GRID2: variants seen among roughly 807,000 people sequenced by gnomAD.
The protein encoded by GRID2 is glutamate ionotropic receptor delta type subunit 2, also known as glutamate receptor ionotropic, delta-2.
Under a neutral mutation model 114.8 loss-of-function variants are expected in GRID2, and 33 were observed. That is an observed-to-expected ratio of 0.29 (90% CI 0.22 to 0.38). The LOEUF (loss-of-function observed/expected upper bound fraction) is 0.38. GRID2 is among the 10% of genes least tolerant of loss of function. The probability of loss-of-function intolerance (pLI) is 1.00; values close to 1 mark genes in which losing one functional copy is unlikely to be tolerated. For synonymous variants in GRID2, 505 were observed against 449.9 expected (o/e 1.12, Z -1.55); for missense variants, 1,184 against 1,257.7 (o/e 0.94, Z 0.89).
chr4:92,921,041 T>A (rs1749280322), intron 2 of GRID2, among the ~76,000 whole-genome samples: 1 of 152,196 alleles, frequency 6.6e-6, no homozygotes, highest in Non-Finnish European at 1.5e-5. Flanking sequence ...GAGGCTTTGT[T>A]CATTTCTTTT....
chr4:92,488,782 T>A (rs1723011752), intron 1 of GRID2, among the ~76,000 whole-genome samples: 2 of 152,132 alleles, frequency 1.3e-5, no homozygotes, highest in Non-Finnish European at 2.9e-5. Flanking sequence ...GGTCTGATAA[T>A]CCTGGGGAAA....
Position 92,505,949 on chromosome 4 carries a change from A to G in GRID2, c.89-84182A>G, listed in dbSNP as rs567106116. Among the ~76,000 whole-genome samples the G allele has an allele frequency of 1.6e-3, 239 of 152,078 alleles. 1 individual carries two copies. The highest frequency in any genetic ancestry group is 5.6e-3 in the African/African-American group (232 of 41,538). On this transcript the variant is annotated intron_variant, in intron 1 of 15. Transcript: ENST00000282020. ...ATAGAAGCTGGCATTTATTATATTG[A>G]GCAATAAAGATACTTCAATCAACAT... is the stretch of plus-strand genomic sequence containing the variant.
chr4:93,624,493 T>G (rs1454023034), intron 13 of GRID2, among the ~76,000 whole-genome samples: 3 of 152,212 alleles, frequency 2.0e-5, no homozygotes. Flanking sequence ...ACGGATTTTT[T>G]TTCTTCCTGG....
chr4:93,362,564 T>A (rs1159407252), intron 8 of GRID2, among the ~76,000 whole-genome samples: 1 of 152,140 alleles, frequency 6.6e-6, no homozygotes, highest in Non-Finnish European at 1.5e-5. Flanking sequence ...ATAGCAAAGC[T>A]ATTAAGCTTT....
chr4:93,248,952 A>G, intron 8 of GRID2, among the ~76,000 whole-genome samples: 1 of 152,194 alleles, frequency 6.6e-6, no homozygotes, highest in East Asian at 1.9e-4. Flanking sequence ...TTCTGTAGTG[A>G]CTGAAAATTG....
At chr4:92,727,215 A>G (rs907966917) in intron 2 of GRID2, among the ~76,000 whole-genome samples, 1 of 151,900 alleles carries the variant, frequency 6.6e-6, no homozygotes, top group African/African-American at 2.4e-5. Context: ...AACAAAAGTA[A>G]AAAAAGTTCG....
intron 1 of GRID2, among the ~76,000 whole-genome samples, chr4:92,476,041 T>TG (rs1224471588): frequency 1.3e-5 from 2 of 149,272 alleles, no homozygotes; most frequent in African/African-American, 4.9e-5. Flanking sequence ...TTTTTTTTTT[T>TG]GTGACGGAGT....
intron 2 of GRID2, among the ~76,000 whole-genome samples, chr4:92,687,768 G>T (rs561012076): frequency 8.7e-4 from 132 of 152,126 alleles, no homozygotes; most frequent in Admixed American, 1.4e-3. Context: ...GGCGGAGCTT[G>T]CAGTGAGCCA....
At chr4:93,611,419 T>G (rs1239772889) in intron 13 of GRID2, among the ~76,000 whole-genome samples, 1 of 107,968 alleles carries the variant, frequency 9.3e-6, no homozygotes, top group Admixed American at 9.9e-5. Flanking sequence ...GGTGTCAATT[T>G]TGGATCTTTC....
intron 8 of GRID2, among the ~76,000 whole-genome samples, chr4:93,365,797 C>A (rs1762282524): frequency 6.6e-6 from 1 of 152,064 alleles, no homozygotes; most frequent in Non-Finnish European, 1.5e-5. Flanking sequence ...GTCAGGGACC[C>A]CAAATGGAGG....
chr4:93,326,061 G>A (rs1757802426), intron 8 of GRID2, among the ~76,000 whole-genome samples: 1 of 152,104 alleles, frequency 6.6e-6, no homozygotes, highest in African/African-American at 2.4e-5. Flanking sequence ...CAACCATAAG[G>A]TATGCGTAAT....
At chr4:93,619,085 AT>A (rs2149679847) in intron 13 of GRID2, among the ~76,000 whole-genome samples, 1 of 152,314 alleles carries the variant, frequency 6.6e-6, no homozygotes, top group Admixed American at 6.5e-5. Flanking sequence ...ACATTCATAT[AT>A]TCTTTTTGAA....
At chr4:93,124,726 T>C (rs940690188) in intron 4 of GRID2, among the ~76,000 whole-genome samples, 23 of 152,262 alleles carry the variant, frequency 1.5e-4, no homozygotes, top group Admixed American at 1.1e-3. Flanking sequence ...CTCTCTAGAT[T>C]ACAATTCTAT....
At chr4:93,654,197 G>T (rs1722814060) in intron 14 of GRID2, among the ~76,000 whole-genome samples, 1 of 152,064 alleles carries the variant, frequency 6.6e-6, no homozygotes, top group African/African-American at 2.4e-5. Context: ...AACCATGTGT[G>T]ACTTTCTATA....
intron 1 of GRID2, among the ~76,000 whole-genome samples, chr4:92,492,761 C>CA (rs1723201724): frequency 6.6e-6 from 1 of 151,916 alleles, no homozygotes; most frequent in African/African-American, 2.4e-5. Flanking sequence ...TGAAATCCAC[C>CA]AAAAAAATTT....
intron 8 of GRID2, among the ~76,000 whole-genome samples, chr4:93,270,042 A>T (rs1329531343): frequency 1.3e-5 from 2 of 152,198 alleles, no homozygotes; most frequent in African/African-American, 4.8e-5. Flanking sequence ...GGGAACCATT[A>T]AAATTTTCTG....
chr4:92,709,186 C>T lies in GRID2; in HGVS notation c.244+118900C>T, dbSNP rs186957351. 1.4e-4 allele frequency among the ~76,000 whole-genome samples: 21 copies of T among 152,134 alleles called. No homozygotes were observed. In the East Asian group the frequency reaches 3.5e-3, roughly 25 times the overall value. ...AATTTTCTCTCACATACAGATTAAG[C>T]AATGCCCAACTTATCAATGAATAAG... On this transcript the variant is annotated intron_variant, in intron 2 of 15. Transcript: ENST00000282020.
At chr4:93,033,981 A>T (rs1724680630) in intron 2 of GRID2, among the ~76,000 whole-genome samples, 1 of 152,228 alleles carries the variant, frequency 6.6e-6, no homozygotes, top group Non-Finnish European at 1.5e-5. Flanking sequence ...TAATCACAAT[A>T]TGAAAAAATA....
intron 2 of GRID2, among the ~76,000 whole-genome samples, chr4:92,634,817 C>G (rs1452784674): frequency 8.2e-6 from 1 of 121,624 alleles, no homozygotes; most frequent in Admixed American, 9.7e-5. Context: ...AGTGTAATAT[C>G]TAAAATTGAA....
Sources: allele counts gnomAD v4.1 joint callset (sites outside exome capture counted in the v4.1 genomes callset), GRCh38; gene constraint gnomAD v4.1.1; transcripts MANE v1.5; gene names NCBI Gene and HGNC (gene_info 2026-07-23, HGNC 2026-07-21).